Variants in CAMKMT observed in about 807,000 individuals in gnomAD.
CAMKMT encodes CaM KMT.
A neutral mutation model predicts 48.0 loss-of-function variants in CAMKMT; 53 were observed. The ratio of observed to expected loss-of-function variants is 1.10; its 90% CI spans 0.89 to 1.39. The LOEUF is 1.39. Ranked by LOEUF, CAMKMT falls within the 40% of genes most tolerant of loss-of-function variation. The pLI, the probability that CAMKMT is intolerant of heterozygous loss-of-function variation, is 0.00. For synonymous variants in CAMKMT, 165 were observed against 152.3 expected, an observed-to-expected ratio of 1.08 and a Z score of -0.61; for missense variants, 428 against 402.7, an observed-to-expected ratio of 1.06 and a Z score of -0.54.
At chr2:44,418,175 A>G (rs1301582925) in intron 3 of CAMKMT, among the ~76,000 whole-genome samples, 4 of 147,456 alleles carry the variant, frequency 2.7e-5, no homozygotes, top group African/African-American at 1.0e-4. Flanking sequence ...CTGGGCGACA[A>G]GAGCGGAACT....
chr2:44,538,382 AAAAG>A (rs1235881086), intron 3 of CAMKMT, among the ~76,000 whole-genome samples: 7 of 151,744 alleles, frequency 4.6e-5, no homozygotes, highest in Admixed American at 2.6e-4. Context: ...ACAAAAAAAA[AAAAG>A]AAAAGAAAAG....
intron 3 of CAMKMT, among the ~76,000 whole-genome samples, chr2:44,601,600 C>G (rs562560705): frequency 6.6e-6 from 1 of 152,172 alleles, no homozygotes; most frequent in African/African-American, 2.4e-5. Flanking sequence ...GCTATAGCCT[C>G]TGTTCTCACA....
At chr2:44,439,900 A>C (rs1288503235) in intron 3 of CAMKMT, among the ~76,000 whole-genome samples, 1 of 152,198 alleles carries the variant, frequency 6.6e-6, no homozygotes, top group Non-Finnish European at 1.5e-5. Context: ...GCTATAAGTC[A>C]AGAAATGTCA....
intron 1 of CAMKMT, among the ~76,000 whole-genome samples, chr2:44,362,555 C>G (rs556976778): frequency 6.6e-6 from 1 of 152,156 alleles, no homozygotes; most frequent in Non-Finnish European, 1.5e-5. Context: ...TACCGATATT[C>G]GTCTGCACCC....
intron 10 of CAMKMT, among the ~76,000 whole-genome samples, chr2:44,766,861 G>A (rs1039460605): frequency 1.3e-5 from 2 of 152,196 alleles, no homozygotes; most frequent in Non-Finnish European, 2.9e-5. Flanking sequence ...TGAATAACAT[G>A]CATTTATATT....
intron 3 of CAMKMT, among the ~76,000 whole-genome samples, chr2:44,421,735 G>T (rs10165655): frequency 2.0e-5 from 3 of 152,168 alleles, no homozygotes; most frequent in African/African-American, 7.2e-5. Context: ...AGAAAACTTA[G>T]GGTACACGAA....
intron 3 of CAMKMT, among the ~76,000 whole-genome samples, chr2:44,524,682 T>A (rs1056496893): frequency 6.6e-6 from 1 of 152,218 alleles, no homozygotes; most frequent in South Asian, 2.1e-4. Flanking sequence ...AAATACTTTT[T>A]ATATCCCTCT....
intron 3 of CAMKMT, among the ~76,000 whole-genome samples, chr2:44,436,063 C>CT (rs35987275): frequency 0.77 from 117,226 of 151,916 alleles, 45,527 homozygotes; most frequent in South Asian, 0.87. Flanking sequence ...AGGAATCAAA[C>CT]CAATTCTTTT....
intron 3 of CAMKMT, among the ~76,000 whole-genome samples, chr2:44,474,446 C>CAAA (rs1222971931): frequency 2.1e-4 from 12 of 58,028 alleles, no homozygotes; most frequent in African/African-American, 7.8e-4. Context: ...GACTCCGTCT[C>CAAA]AAAAAAAAAA....
intron 3 of CAMKMT, among the ~76,000 whole-genome samples, chr2:44,594,033 G>T (rs538104390): frequency 3.7e-4 from 56 of 152,098 alleles, no homozygotes; most frequent in Non-Finnish European, 6.8e-4. Context: ...AAAGTGCTGG[G>T]ATTACAGGCG....
chr2:44,425,353 A>T (rs191637460), intron 3 of CAMKMT, among the ~76,000 whole-genome samples: 3 of 152,298 alleles, frequency 2.0e-5, no homozygotes, highest in Admixed American at 6.5e-5. Context: ...ATTTTGGTGG[A>T]GATTTACTAC....
At chr2:44,553,997 A>G (rs2103663957) in intron 3 of CAMKMT, among the ~76,000 whole-genome samples, 2 of 152,352 alleles carry the variant, frequency 1.3e-5, no homozygotes, top group South Asian at 4.1e-4. Context: ...AGTGACTTGC[A>G]AATAAAGAAG....
chr2:44,559,190 A>G (rs961521723), intron 3 of CAMKMT, among the ~76,000 whole-genome samples: 1 of 152,172 alleles, frequency 6.6e-6, no homozygotes, highest in African/African-American at 2.4e-5. Flanking sequence ...TTTAATTAGG[A>G]CACACTATTT....
rs180690302 is a variant in CAMKMT, at chr2:44,365,413, A to T, written c.138+3268A>T. On this transcript the variant is annotated intron_variant, in intron 1 of 10. Transcript: ENST00000378494. ...AAGTTGCCAAGATTTGAGTCAAGCG[A>T]GTACTTAAATTAGATGAGGTCTGGA... 9.7e-4 allele frequency among the ~76,000 whole-genome samples: 148 copies of T among 152,326 alleles called. 1 individual carries two copies. The highest frequency in any genetic ancestry group is 3.4e-3 in the African/African-American group (142 of 41,578).
intron 9 of CAMKMT, among the ~76,000 whole-genome samples, chr2:44,756,905 T>C (rs1680406743): frequency 6.6e-6 from 1 of 152,156 alleles, no homozygotes; most frequent in African/African-American, 2.4e-5. Flanking sequence ...TTCAAGTTCA[T>C]AGTGTGGCCC....
At chr2:44,457,884 G>A (rs535424845) in intron 3 of CAMKMT, among the ~76,000 whole-genome samples, 148 of 152,180 alleles carry the variant, frequency 9.7e-4, no homozygotes, top group African/African-American at 3.4e-3. Flanking sequence ...CTTGGTGATG[G>A]ATAAGCCATT....
At chr2:44,631,487 A>G in intron 3 of CAMKMT, 1 of 613,318 alleles carries the variant, frequency 1.6e-6, no homozygotes, top group Non-Finnish European at 2.9e-6. Flanking sequence ...TTTTTTTTGT[A>G]CAGATGATGT....
chr2:44,433,245 G>A (rs926211146), intron 3 of CAMKMT, among the ~76,000 whole-genome samples: 2 of 152,110 alleles, frequency 1.3e-5, no homozygotes, highest in Admixed American at 1.3e-4. Context: ...ATATATGAAT[G>A]TCTAATATTA....
intron 3 of CAMKMT, among the ~76,000 whole-genome samples, chr2:44,589,059 G>A (rs1247564200): frequency 3.9e-5 from 1 of 25,756 alleles, no homozygotes; most frequent in Non-Finnish European, 8.1e-5. Context: ...GGTGAGGGGC[G>A]CCTCTGCCCG....
Sources: allele counts gnomAD v4.1 joint callset (sites outside exome capture counted in the v4.1 genomes callset), GRCh38; gene constraint gnomAD v4.1.1; transcripts MANE v1.5; gene names NCBI Gene and HGNC (gene_info 2026-07-23, HGNC 2026-07-21).